The following MYO19 variants were observed in gnomAD, a reference collection of about 807,000 sequenced individuals.
MYO19 encodes unconventional myosin-XIX.
MYO19 carries 132 observed loss-of-function variants against 129.2 expected under a neutral mutation model. The observed-to-expected ratio is 1.02, with a 90% CI of 0.89 to 1.18. The LOEUF (loss-of-function observed/expected upper bound fraction) is 1.18. MYO19 is among the 50% of genes most tolerant of loss of function. MYO19 has a pLI of 0.00. For missense variants in MYO19, 1,210 were observed against 1,216.7 expected, an observed-to-expected ratio of 0.99 and a Z score of 0.08; for synonymous variants, 531 against 477.2, an observed-to-expected ratio of 1.11 and a Z score of -1.47.
chr17:36,538,146 A>G (rs2074168935), upstream of MYO19: 1 of 1,614,162 alleles, frequency 6.2e-7, no homozygotes, highest in African/African-American at 1.3e-5. Context: ...GGCAGCTATT[A>G]GCCTCTTCAT....
At chr17:36,502,525 C>A (rs891017909) in intron 21 of MYO19, among the ~76,000 whole-genome samples, 1 of 152,174 alleles carries the variant, frequency 6.6e-6, no homozygotes, top group Non-Finnish European at 1.5e-5. Flanking sequence ...TCTATTGGGG[C>A]AACTTTGCAG....
At chr17:36,538,278 A>G (rs546733529), upstream of MYO19, 9 of 1,613,402 alleles carry the variant, frequency 5.6e-6, no homozygotes, top group East Asian at 1.3e-4. Context: ...ACTGGGTGAT[A>G]TAATTTTGAG....
rs2073790151 is a variant in MYO19, at chr17:36,530,810, G to A, written c.12+1717C>T. ...TAGTTTTTGTATTTTTAGTAGAAAT[G>A]GGGTTTTGCCATGTTGGCCAGACTG... On this transcript the variant is annotated intron_variant, in intron 3 of 25. Transcript: ENST00000614623. Among the ~76,000 whole-genome samples, 4 of 152,102 alleles carry A rather than the reference G, an allele frequency of 2.6e-5. No homozygotes were observed. The South Asian group carries it at 8.3e-4, about 31-fold the overall frequency.
chr17:36,542,656 G>C (rs2074203026), intron 1 of MYO19, among the ~76,000 whole-genome samples: 1 of 150,674 alleles, frequency 6.6e-6, no homozygotes, highest in Non-Finnish European at 1.5e-5. Flanking sequence ...CCGAGATAGC[G>C]CCACTGCACT....
At chr17:36,515,216 T>A in intron 7 of MYO19, 34 bp from the exon 8 acceptor site, 1 of 1,597,224 alleles carries the variant, frequency 6.3e-7, no homozygotes, top group Non-Finnish European at 8.6e-7. Flanking sequence ...TTCACTCCCC[T>A]GGGTTTGCAG....
intron 3 of MYO19, among the ~76,000 whole-genome samples, chr17:36,530,883 A>T (rs1278119806): frequency 6.6e-6 from 1 of 151,962 alleles, no homozygotes; most frequent in African/African-American, 2.4e-5. Context: ...GACCTCCCAA[A>T]GTATTGGGAT....
chr17:36,527,483 G>A, intron 5 of MYO19, 68 bp downstream of exon 5: 5 of 1,529,130 alleles, frequency 3.3e-6, no homozygotes, highest in South Asian at 1.2e-5. Context: ...TAAGGACAGG[G>A]GTAACTGCAA....
chr17:36,512,830 A>C, intron 11 of MYO19: 2 of 1,255,476 alleles, frequency 1.6e-6, no homozygotes, highest in South Asian at 2.7e-5. Flanking sequence ...CAGCAAAGAC[A>C]GAAGGGAGGC....
chr17:36,500,743 G>A (rs1231201651), intron 23 of MYO19, 87 bp downstream of exon 23: 46 of 1,493,972 alleles, frequency 3.1e-5, no homozygotes, highest in African/African-American at 8.3e-5. Context: ...AGCTTCAGGA[G>A]ATGGGGACTC....
intron 5 of MYO19, among the ~76,000 whole-genome samples, chr17:36,527,214 G>A (rs966714232): frequency 2.0e-5 from 3 of 151,686 alleles, no homozygotes; most frequent in Non-Finnish European, 4.4e-5. Context: ...TAAAAAGGTA[G>A]TTTGTTAAAT....
At position 36,510,924 on chromosome 17, in the gene MYO19, G is replaced by A. The variant is rs1279270727; in HGVS notation, c.986-7C>T. The stretch of plus-strand genomic sequence containing the variant: ...GCTGCCGTCCTGACAGAGTCTGGGA[G>A]GGGCAAATCCTCTTTAGGCAAATCA... On this transcript the variant is annotated splice_polypyrimidine_tract_variant and splice_region_variant and intron_variant, in intron 12 of 25. Coordinates refer to ENST00000614623, the MANE Select transcript of MYO19 (RefSeq NM_001163735.2). 8.3e-6 allele frequency: 13 copies of A among 1,566,212 alleles called. No homozygotes were observed. The highest frequency in any genetic ancestry group is 5.6e-5 in the Admixed American group (3 of 53,428).
At chr17:36,518,088 C>CA (rs3050531) in intron 6 of MYO19, among the ~76,000 whole-genome samples, 1,598 of 108,516 alleles carry the variant, frequency 0.015, 27 homozygotes, top group African/African-American at 0.041. Context: ...GAAACTATCT[C>CA]AAAAAAAAAA....
chr17:36,514,365 A>G, intron 9 of MYO19, 81 bp downstream of exon 9: 1 of 902,314 alleles, frequency 1.1e-6, no homozygotes, highest in East Asian at 2.4e-5. Context: ...GGTATGGAGC[A>G]TTCTGGGGAG....
chr17:36,516,597 C>G (rs1024104101), intron 6 of MYO19, among the ~76,000 whole-genome samples: 4 of 152,182 alleles, frequency 2.6e-5, no homozygotes, highest in Non-Finnish European at 4.4e-5. Flanking sequence ...GTCTTGAGCT[C>G]CTGACCTCGT....
intron 6 of MYO19, among the ~76,000 whole-genome samples, chr17:36,521,998 T>G (rs1435158993): frequency 8.3e-6 from 1 of 120,434 alleles, no homozygotes; most frequent in African/African-American, 3.2e-5. Context: ...GCCACTGCAC[T>G]CCAGCCTGGC....
intron 9 of MYO19, 21 bp from the exon 10 acceptor site, chr17:36,513,746 G>A (rs768090247): frequency 1.2e-6 from 2 of 1,607,866 alleles, no homozygotes; most frequent in African/African-American, 1.3e-5. Flanking sequence ...GGGTAGGTGG[G>A]AGGCTGGGTA....
upstream of MYO19, chr17:36,537,986 G>A (rs1199890294): frequency 1.2e-6 from 2 of 1,613,930 alleles, no homozygotes; most frequent in Non-Finnish European, 1.7e-6. Flanking sequence ...GTGGCACACG[G>A]GTTGGTCTAT....
At chr17:36,521,907 G>A (rs903588211) in intron 6 of MYO19, among the ~76,000 whole-genome samples, 8 of 151,614 alleles carry the variant, frequency 5.3e-5, no homozygotes, top group African/African-American at 1.7e-4. Context: ...GGTGCATGCT[G>A]GTAGTTCCAG....
At chr17:36,525,893 G>A (rs920497623) in intron 5 of MYO19, among the ~76,000 whole-genome samples, 5 of 152,206 alleles carry the variant, frequency 3.3e-5, no homozygotes, top group African/African-American at 4.8e-5. Context: ...AAACATAGGG[G>A]ACTACGACTT....
Sources: gnomAD v4.1 joint callset for allele counts (sites outside exome capture counted in the v4.1 genomes callset) on GRCh38, gnomAD v4.1.1 for gene constraint, MANE v1.5 for transcripts, NCBI Gene and HGNC (gene_info 2026-07-23, HGNC 2026-07-21) for gene names.